The following MMP20 variants were observed in gnomAD, a reference collection of about 807,000 sequenced individuals.
The protein encoded by MMP20 is matrix metallopeptidase 20, also known as matrix metalloproteinase-20.
Under a neutral mutation model 51.8 loss-of-function variants are expected in MMP20, and 50 were observed. The observed-to-expected ratio is 0.97, with a 90% CI of 0.77 to 1.22. The LOEUF (loss-of-function observed/expected upper bound fraction) is 1.22. Ranked by LOEUF, MMP20 falls within the 50% of genes most tolerant of loss-of-function variation. The probability of loss-of-function intolerance (pLI) is 0.00; values close to 1 mark genes in which losing one functional copy is unlikely to be tolerated. For synonymous variants in MMP20, 244 were observed against 216.2 expected (o/e 1.13, Z -1.13); for missense variants, 663 against 601.4 (o/e 1.10, Z -1.07).
chr11:102,617,908 A>T (rs1011148494), intron 1 of MMP20, among the ~76,000 whole-genome samples: 1 of 152,176 alleles, frequency 6.6e-6, no homozygotes, highest in African/African-American at 2.4e-5. Context: ...AAATAACCAA[A>T]GAGCAGCTAA....
rs1711427 is a variant in MMP20, at chr11:102,606,275, A to G, written c.953+260T>C. 0.41 allele frequency among the ~76,000 whole-genome samples: 62,310 copies of G among 152,020 alleles called. 13,166 individuals are homozygous for G. Among genetic ancestry groups the G allele is most frequent in the South Asian group, 0.59 (2,819 of 4,810 alleles). On this transcript the variant is annotated intron_variant, in intron 6 of 9. Transcript: ENST00000260228. ...GCACATTAGGGATTCTAATCTCTAC[A>G]GTGAAAAAGGTTACAATAAATATTG...
intron 6 of MMP20, among the ~76,000 whole-genome samples, chr11:102,598,046 C>T (rs1859402941): frequency 1.9e-5 from 2 of 105,118 alleles, no homozygotes; most frequent in Non-Finnish European, 4.5e-5. Context: ...AGATTACAGG[C>T]GTAGACACCA....
intron 8 of MMP20, among the ~76,000 whole-genome samples, chr11:102,581,177 C>CCACACACA (rs36075826): frequency 6.7e-6 from 1 of 149,190 alleles, no homozygotes; most frequent in South Asian, 2.1e-4. Context: ...CACGCACACA[C>CCACACACA]CACACACACA....
At chr11:102,587,136 T>C (rs61893837) in intron 8 of MMP20, among the ~76,000 whole-genome samples, 11,967 of 152,204 alleles carry the variant, frequency 0.079, 606 homozygotes, top group East Asian at 0.15. Context: ...TCATAAGTTC[T>C]GGTATGTTGT....
chr11:102,611,712 A>G lies in MMP20; in HGVS notation c.523+43T>C. 3.7e-6 allele frequency: 6 copies of G among 1,605,966 alleles called. No individual in the cohort carries two copies. The East Asian group carries it at 1.3e-4, about 36-fold the overall frequency. ...ATGTAGAAGGAACAGTATTGGGACA[A>G]CTCTCCTTTGAATTAGTAGATGGAA... On this transcript the variant is annotated intron_variant, in intron 3 of 9. Coordinates refer to ENST00000260228, the MANE Select transcript of MMP20 (RefSeq NM_004771.4).
chr11:102,600,226 C>G (rs998730540), intron 6 of MMP20, among the ~76,000 whole-genome samples: 14 of 152,304 alleles, frequency 9.2e-5, no homozygotes, highest in Admixed American at 8.5e-4. Flanking sequence ...GGGCTTACCT[C>G]AAGCCCATGG....
At chr11:102,601,734 A>G (rs977148718) in intron 6 of MMP20, among the ~76,000 whole-genome samples, 2 of 152,194 alleles carry the variant, frequency 1.3e-5, no homozygotes, top group Admixed American at 6.5e-5. Context: ...GTTCCCAACA[A>G]ATCCTCTGAA....
chr11:102,605,799 G>C (rs999980540), intron 6 of MMP20, among the ~76,000 whole-genome samples: 1 of 152,172 alleles, frequency 6.6e-6, no homozygotes, highest in African/African-American at 2.4e-5. Context: ...CCCAGCAAAG[G>C]GAGGAATGGG....
chr11:102,609,826 G>T, intron 4 of MMP20, 79 bp downstream of exon 4: 1 of 1,600,188 alleles, frequency 6.2e-7, no homozygotes, highest in Non-Finnish European at 8.6e-7. Flanking sequence ...GGCTTGGGAC[G>T]TTGAACCTCA....
intron 2 of MMP20, among the ~76,000 whole-genome samples, chr11:102,614,351 T>A (rs995315839): frequency 1.3e-5 from 2 of 152,120 alleles, no homozygotes; most frequent in African/African-American, 2.4e-5. Flanking sequence ...GGGGAGGCGA[T>A]GGTAGAGTTA....
Position 102,586,474 on chromosome 11 carries a change from G to T in MMP20, c.1247+6965C>A, listed in dbSNP as rs145731635. ...TTATGACCTTTTTTATTTCTGTAAGGTGAGTAGCAATGTCTCCTCTTTTAT... is the reference window on the plus strand; with the variant it reads ...TTATGACCTTTTTTATTTCTGTAAGTTGAGTAGCAATGTCTCCTCTTTTAT... On this transcript the variant is annotated intron_variant, in intron 8 of 9. Coordinates refer to ENST00000260228, the MANE Select transcript of MMP20 (RefSeq NM_004771.4). 6.1e-3 allele frequency among the ~76,000 whole-genome samples: 932 copies of T among 151,950 alleles called. 11 individuals carry two copies. Among genetic ancestry groups the T allele is most frequent in the African/African-American group, 0.021 (882 of 41,420 alleles).
At chr11:102,614,297 T>C (rs1859639503) in intron 2 of MMP20, among the ~76,000 whole-genome samples, 1 of 152,192 alleles carries the variant, frequency 6.6e-6, no homozygotes, top group East Asian at 1.9e-4. Flanking sequence ...AGTCAGTAGC[T>C]ACACAGGCAG....
At chr11:102,589,704 C>T (rs1256329140) in intron 8 of MMP20, among the ~76,000 whole-genome samples, 1 of 152,160 alleles carries the variant, frequency 6.6e-6, no homozygotes, top group African/African-American at 2.4e-5. Context: ...AAACTCTACA[C>T]CTTCTCTTGA....
chr11:102,595,654 C>G (rs755656854), intron 6 of MMP20, among the ~76,000 whole-genome samples: 3 of 152,156 alleles, frequency 2.0e-5, no homozygotes, highest in Non-Finnish European at 4.4e-5. Context: ...ATCTTTGAGT[C>G]TGATGGCTAG....
chr11:102,598,869 C>G (rs1187966372), intron 6 of MMP20, among the ~76,000 whole-genome samples: 1 of 152,122 alleles, frequency 6.6e-6, no homozygotes, highest in Non-Finnish European at 1.5e-5. Context: ...ATGCCTTCAC[C>G]CTTTATTTGC....
rs896213106 is a variant in MMP20 at position 102,577,002 on chromosome 11, C to T, written c.*324G>A. The T allele has an allele frequency of 6.5e-6, 2 of 308,824 alleles. No individual in the cohort carries two copies. The highest frequency in any genetic ancestry group is 6.9e-5 in the South Asian group (2 of 28,828). 19.1% of individuals were successfully genotyped at this position (308,824 alleles called of 1,614,324 possible). A position where few individuals can be genotyped will look rare whatever the true frequency, so the allele number is the denominator to read the frequency against. On this transcript the variant is annotated 3_prime_UTR_variant, in exon 10 of 10. Transcript: ENST00000260228. ...ATATGTCATGGAATCCACCACTAGT[C>T]TTCCTCCTGGAAATAAAAATCAAAC...
intron 4 of MMP20, among the ~76,000 whole-genome samples, chr11:102,609,436 G>A (rs1437795171): frequency 6.6e-6 from 1 of 152,146 alleles, no homozygotes; most frequent in Non-Finnish European, 1.5e-5. Flanking sequence ...GACCACAAAT[G>A]CCTTAATAGT....
intron 9 of MMP20, 72 bp downstream of exon 9, chr11:102,578,967 T>C (rs1859161367): frequency 8.9e-6 from 10 of 1,122,210 alleles, no homozygotes; most frequent in Non-Finnish European, 1.4e-5. Context: ...ATCCACTTTC[T>C]GTTGTGTTAA....
chr11:102,606,235 C>G (rs536272045), intron 6 of MMP20, among the ~76,000 whole-genome samples: 2 of 152,330 alleles, frequency 1.3e-5, no homozygotes, highest in East Asian at 3.9e-4. Flanking sequence ...TGTCTTTGAG[C>G]TGCTTTCTTT....
Sources: allele counts gnomAD v4.1 joint callset (sites outside exome capture counted in the v4.1 genomes callset), GRCh38; gene constraint gnomAD v4.1.1; transcripts MANE v1.5; gene names NCBI Gene and HGNC (gene_info 2026-07-23, HGNC 2026-07-21).